Variants in ITGA1 observed in about 807,000 individuals in gnomAD.
ITGA1 encodes the protein integrin subunit alpha 1, also known as integrin alpha-1.
Under a neutral mutation model 145.9 loss-of-function variants are expected in ITGA1, and 85 were observed. The observed-to-expected ratio is 0.58, with a 90% CI of 0.49 to 0.70. The LOEUF (loss-of-function observed/expected upper bound fraction) is 0.70. Among genes scored for constraint, ITGA1 ranks in the 30% least tolerant of loss-of-function variants. The probability of loss-of-function intolerance (pLI) is 0.00; values close to 1 mark genes in which losing one functional copy is unlikely to be tolerated. For synonymous variants in ITGA1, 520 were observed against 495.3 expected, an observed-to-expected ratio of 1.05 and a Z score of -0.66; for missense variants, 1,351 against 1,418.7, an observed-to-expected ratio of 0.95 and a Z score of 0.77.
At chr5:52,903,192 T>G (rs1294188847) in intron 11 of ITGA1, 2 of 151,712 alleles carry the variant, frequency 1.3e-5, no homozygotes, top group African/African-American at 2.4e-5. Flanking sequence ...TCAAGTTACA[T>G]TCACAGCTCT....
intron 23 of ITGA1, among the ~76,000 whole-genome samples, chr5:52,936,506 A>G (rs1346359556): frequency 6.6e-6 from 1 of 152,128 alleles, no homozygotes; most frequent in Non-Finnish European, 1.5e-5. Flanking sequence ...CCTTGGGTCT[A>G]TCTATGTAGA....
intron 1 of ITGA1, among the ~76,000 whole-genome samples, chr5:52,847,631 C>G (rs1749357859): frequency 6.6e-6 from 1 of 152,204 alleles, no homozygotes; most frequent in Non-Finnish European, 1.5e-5. Context: ...TGGCTCACTG[C>G]AACCTCTGTC....
intron 6 of ITGA1, among the ~76,000 whole-genome samples, chr5:52,867,750 G>A (rs887278658): frequency 1.3e-5 from 2 of 152,134 alleles, no homozygotes; most frequent in African/African-American, 4.8e-5. Context: ...ATTTATGAAG[G>A]AGACACGAGA....
Position 52,915,557 on chromosome 5 carries a change from G to T in ITGA1, c.1951G>T (p.Val651Leu), listed in dbSNP as rs754829146. 6.2e-7 allele frequency: 1 copy of T among 1,613,954 alleles called. No individual in the cohort carries two copies. The highest frequency in any genetic ancestry group is 1.3e-5 in the African/African-American group (1 of 74,906). ...MDLNGDGLTDVTIGGLGGAAL... is the reference protein window; with the variant it reads ...MDLNGDGLTDLTIGGLGGAAL... ...TTTAAATGGTGACGGTCTGACAGATGTGACTATTGGGGGCCTTGGTGGTGC... is the reference window on the plus strand; with the variant it reads ...TTTAAATGGTGACGGTCTGACAGATTTGACTATTGGGGGCCTTGGTGGTGC... The change falls in exon 15 of 29, where the codon GTG becomes TTG. Residue 651 changes from valine to leucine, a missense_variant. Coordinates refer to ENST00000282588, the MANE Select transcript of ITGA1 (RefSeq NM_181501.2).
At chr5:52,829,030 A>C (rs572147135) in intron 1 of ITGA1, among the ~76,000 whole-genome samples, 95 of 152,314 alleles carry the variant, frequency 6.2e-4, no homozygotes, top group Non-Finnish European at 1.1e-3. Flanking sequence ...CCACCATAAA[A>C]AACAGGATGA....
At position 52,955,379 on chromosome 5, in the gene ITGA1, A is replaced by G. The variant is rs1331335667; in HGVS notation, c.*2928A>G. The G allele has an allele frequency of 2.0e-5, 3 of 151,998 alleles. No individual in the cohort carries two copies. Among genetic ancestry groups the G allele is most frequent in the African/African-American group, 7.3e-5 (3 of 41,322 alleles). The allele number at this position is 151,998 out of a possible 1,614,324, so 9.4% of individuals were successfully genotyped here. A position where few individuals can be genotyped will look rare whatever the true frequency, so the allele number is the denominator to read the frequency against. The stretch of plus-strand genomic sequence containing the variant: ...TAGATAGATAGATAGATAGATAGAT[A>G]GATAGATAGATAGATATTGATAGAG... On this transcript the variant is annotated 3_prime_UTR_variant, in exon 29 of 29. Transcript: ENST00000282588.
Position 52,849,451 on chromosome 5 carries a change from A to G in ITGA1, c.148A>G (p.Thr50Ala), listed in dbSNP as rs1024816581. ...CCCGGTGGAAGACATGTTTGGATAT[A>G]CTGTTCAACAATATGAAAATGAAGA... ...SGPVEDMFGY[T>A]VQQYENEEGK... Residue 50 changes from threonine to alanine, a missense_variant, in exon 2 of 29, where the codon ACT becomes GCT. By Grantham distance (58) the Thr-to-Ala change is moderately conservative (BLOSUM62 0). Coordinates refer to ENST00000282588, the MANE Select transcript of ITGA1 (RefSeq NM_181501.2). 8.1e-6 allele frequency: 13 copies of G among 1,610,294 alleles called. No homozygotes were observed. The highest frequency in any genetic ancestry group is 1.0e-5 in the Non-Finnish European group (12 of 1,178,378).
intron 7 of ITGA1, among the ~76,000 whole-genome samples, chr5:52,885,040 T>A (rs1750025889): frequency 6.6e-6 from 1 of 152,170 alleles, no homozygotes; most frequent in Non-Finnish European, 1.5e-5. Context: ...CTCAGTAAAG[T>A]ATCTTACTTA....
At chr5:52,850,208 G>A (rs1749408108) in intron 2 of ITGA1, among the ~76,000 whole-genome samples, 1 of 151,872 alleles carries the variant, frequency 6.6e-6, no homozygotes, top group Admixed American at 6.6e-5. Flanking sequence ...CACCATGTTG[G>A]TCAGGCTGGT....
intron 6 of ITGA1, among the ~76,000 whole-genome samples, chr5:52,866,071 G>A (rs1485409980): frequency 6.6e-6 from 1 of 151,842 alleles, no homozygotes; most frequent in Non-Finnish European, 1.5e-5. Context: ...CTGGAGTGCA[G>A]TGGTGCAATC....
At chr5:52,911,547 CTATATATAGTGTATCTACTATATATACTA>C (rs1561246323) in intron 14 of ITGA1, among the ~76,000 whole-genome samples, 5,257 of 93,654 alleles carry the variant, frequency 0.056, 932 homozygotes, top group Middle Eastern at 0.12. Context: ...GATACATATA[CTATATATAGTGTATCTACTATATATACTA>C]TATATATAGT....
At chr5:52,796,356 G>A (rs1202861174) in intron 1 of ITGA1, among the ~76,000 whole-genome samples, 3 of 151,668 alleles carry the variant, frequency 2.0e-5, no homozygotes, top group Admixed American at 6.6e-5. Flanking sequence ...AGACATTGTA[G>A]GGAAAATAGA....
At chr5:52,869,582 A>T (rs1749745996) in intron 6 of ITGA1, among the ~76,000 whole-genome samples, 1 of 152,138 alleles carries the variant, frequency 6.6e-6, no homozygotes, top group Non-Finnish European at 1.5e-5. Context: ...GATAATAGGC[A>T]CCTCAAGAGC....
rs567588753 is a variant in ITGA1 at position 52,954,897 on chromosome 5, T to C, written c.*2446T>C. ...GTTTCAAAACAGCTTTGTACAAATG[T>C]TATAAAACATATTTAATGATTAAGA... On this transcript the variant is annotated 3_prime_UTR_variant, in exon 29 of 29. Coordinates refer to ENST00000282588, the MANE Select transcript of ITGA1 (RefSeq NM_181501.2). 2 of 152,318 alleles carry C rather than the reference T, an allele frequency of 1.3e-5. No homozygotes were observed. Among genetic ancestry groups the C allele is most frequent in the African/African-American group, 4.8e-5 (2 of 41,586 alleles). 9.4% of individuals were successfully genotyped at this position (152,318 alleles called of 1,614,324 possible). A position where few individuals can be genotyped will look rare whatever the true frequency, so the allele number is the denominator to read the frequency against.
intron 1 of ITGA1, among the ~76,000 whole-genome samples, chr5:52,823,364 C>T (rs1000438896): frequency 6.6e-6 from 1 of 152,096 alleles, no homozygotes; most frequent in Non-Finnish European, 1.5e-5. Flanking sequence ...GCCACCATGC[C>T]CAGCTAATTT....
intron 2 of ITGA1, among the ~76,000 whole-genome samples, chr5:52,851,473 G>T (rs1749430746): frequency 6.6e-6 from 1 of 152,098 alleles, no homozygotes; most frequent in African/African-American, 2.4e-5. Context: ...GAAAAATCAG[G>T]CCTGAATGAA....
At chr5:52,930,008 A>T (rs967060892) in intron 21 of ITGA1, among the ~76,000 whole-genome samples, 5 of 152,210 alleles carry the variant, frequency 3.3e-5, no homozygotes, top group African/African-American at 1.2e-4. Context: ...TAAAAAATTT[A>T]CTGATAATTT....
At chr5:52,905,541 A>G in intron 11 of ITGA1, 1 of 342,738 alleles carries the variant, frequency 2.9e-6, no homozygotes, top group Non-Finnish European at 5.2e-6. Context: ...AAAAACTCAG[A>G]TTGGGGGAAA....
chr5:52,927,835 C>G (rs1750834839), intron 20 of ITGA1, among the ~76,000 whole-genome samples, 171 bp downstream of exon 20: 1 of 152,098 alleles, frequency 6.6e-6, no homozygotes. Context: ...TGTGCCCCAC[C>G]AAAATTCATA....
Sources: allele counts gnomAD v4.1 joint callset (sites outside exome capture counted in the v4.1 genomes callset), GRCh38; gene constraint gnomAD v4.1.1; transcripts MANE v1.5; gene names NCBI Gene and HGNC (gene_info 2026-07-23, HGNC 2026-07-21).